SLC35F2: variants seen among roughly 807,000 people sequenced by gnomAD.
SLC35F2 encodes queuine/queuosine transporter SLC35F2.
A neutral mutation model predicts 38.1 loss-of-function variants in SLC35F2; 25 were observed. The ratio of observed to expected loss-of-function variants is 0.66; its 90% CI spans 0.48 to 0.92. SLC35F2 has a LOEUF of 0.92. SLC35F2 is among the 40% of genes least tolerant of loss of function. The pLI, the probability that SLC35F2 is intolerant of heterozygous loss-of-function variation, is 0.00. For missense variants in SLC35F2, 409 were observed against 452.9 expected, an observed-to-expected ratio of 0.90 and a Z score of 0.88; for synonymous variants, 173 against 181.7, an observed-to-expected ratio of 0.95 and a Z score of 0.38.
At chr11:107,847,820 A>C (rs1016958386) in intron 1 of SLC35F2, among the ~76,000 whole-genome samples, 1 of 152,152 alleles carries the variant, frequency 6.6e-6, no homozygotes, top group African/African-American at 2.4e-5. Context: ...TGCACAAGGG[A>C]ATCACCAGCA....
rs536554137 is a variant in SLC35F2, at chr11:107,791,105, T to G, written c.*1510A>C. 6.5e-6 allele frequency: 1 copy of G among 152,752 alleles called. No homozygotes were observed. Among genetic ancestry groups the G allele is most frequent in the Admixed American group, 6.5e-5 (1 of 15,296 alleles). 9.5% of individuals were successfully genotyped at this position (152,752 alleles called of 1,614,324 possible). A position where few individuals can be genotyped will look rare whatever the true frequency, so the allele number is the denominator to read the frequency against. On this transcript the variant is annotated 3_prime_UTR_variant, in exon 8 of 8. Coordinates refer to ENST00000525815, the MANE Select transcript of SLC35F2 (RefSeq NM_017515.5). ...TTTCTGAAAGTGGCATTTTGTTGGT[T>G]GTTATTATACTGATGACACATATTA...
At chr11:107,792,889 T>G in intron 7 of SLC35F2, 89 bp from the exon 8 acceptor site, 2 of 1,392,772 alleles carry the variant, frequency 1.4e-6, no homozygotes, top group Non-Finnish European at 1.9e-6. Context: ...AGGATTACCC[T>G]CTCATAATCT....
At position 107,792,526 on chromosome 11, in the gene SLC35F2, T is replaced by G; in HGVS notation, c.*89A>C. 1 of 1,446,366 alleles carries G rather than the reference T, an allele frequency of 6.9e-7. No homozygotes were observed. Among genetic ancestry groups the G allele is most frequent in the Non-Finnish European group, 9.3e-7 (1 of 1,080,474 alleles). The allele number at this position is 1,446,366 out of a possible 1,614,324, so 89.6% of individuals were successfully genotyped here. Reference sequence around the variant, plus strand: ...CAACCCAGGGTTGTAGAGTGTCCATTCTGAGTCTGCTATTTCCCCAAGTGT... The same window carrying G: ...CAACCCAGGGTTGTAGAGTGTCCATGCTGAGTCTGCTATTTCCCCAAGTGT... On this transcript the variant is annotated 3_prime_UTR_variant, in exon 8 of 8. Transcript: ENST00000525815.
chr11:107,854,993 T>C (rs1012663092), intron 1 of SLC35F2, among the ~76,000 whole-genome samples: 2 of 152,210 alleles, frequency 1.3e-5, no homozygotes, highest in Non-Finnish European at 2.9e-5. Flanking sequence ...ACTTGGGACA[T>C]GAGTTTTGAC....
At chr11:107,797,167 T>G (rs1402620051) in intron 7 of SLC35F2, among the ~76,000 whole-genome samples, 1 of 151,816 alleles carries the variant, frequency 6.6e-6, no homozygotes, top group Non-Finnish European at 1.5e-5. Context: ...TGTATAAATA[T>G]TTGTATCAAT....
chr11:107,812,973 TTA>T (rs1365860846), intron 2 of SLC35F2, among the ~76,000 whole-genome samples: 5 of 152,198 alleles, frequency 3.3e-5, no homozygotes, highest in African/African-American at 1.2e-4. Context: ...TTCCTCCAAA[TTA>T]TATGTATTCA....
intron 1 of SLC35F2, among the ~76,000 whole-genome samples, chr11:107,817,538 C>T (rs1859594659): frequency 6.6e-6 from 1 of 152,052 alleles, no homozygotes; most frequent in South Asian, 2.1e-4. Context: ...ATGATGAGAT[C>T]ATTTCTCATG....
At chr11:107,795,311 A>G (rs896671144) in intron 7 of SLC35F2, among the ~76,000 whole-genome samples, 1 of 152,354 alleles carries the variant, frequency 6.6e-6, no homozygotes, top group African/African-American at 2.4e-5. Context: ...ATATAAAAAA[A>G]TCAACTCAAG....
intron 1 of SLC35F2, among the ~76,000 whole-genome samples, chr11:107,848,952 CT>C (rs1182278706): frequency 1.3e-5 from 2 of 151,972 alleles, no homozygotes; most frequent in African/African-American, 4.8e-5. Context: ...TTCTTTTTTT[CT>C]TTTAATTTTT....
At chr11:107,823,985 A>C in intron 1 of SLC35F2, 1 of 984,302 alleles carries the variant, frequency 1.0e-6, no homozygotes, top group Non-Finnish European at 1.2e-6. Context: ...TTTTCTTTAC[A>C]TAGTGAGTAG....
At chr11:107,800,957 T>G (rs889370588) in intron 7 of SLC35F2, among the ~76,000 whole-genome samples, 4 of 142,744 alleles carry the variant, frequency 2.8e-5, no homozygotes, top group African/African-American at 8.1e-5. Flanking sequence ...CAGGCTAAAA[T>G]GCAATGGCAC....
At chr11:107,834,725 G>A (rs1157094379) in intron 1 of SLC35F2, among the ~76,000 whole-genome samples, 1 of 152,002 alleles carries the variant, frequency 6.6e-6, no homozygotes, top group African/African-American at 2.4e-5. Flanking sequence ...AGGCTAATGC[G>A]ATTTCTCTCT....
intron 1 of SLC35F2, among the ~76,000 whole-genome samples, chr11:107,832,441 G>T (rs1859859400): frequency 6.6e-6 from 1 of 152,142 alleles, no homozygotes; most frequent in South Asian, 2.1e-4. Flanking sequence ...CAGATAATTT[G>T]GGTGGGATTG....
rs549701533 is a variant in SLC35F2 at position 107,797,360 on chromosome 11, G to C, written c.940-4560C>G. Among the ~76,000 whole-genome samples, 7 of 151,302 alleles carry C rather than the reference G, an allele frequency of 4.6e-5. No individual in the cohort carries two copies. The South Asian group carries it at 1.0e-3, about 23-fold the overall frequency. On this transcript the variant is annotated intron_variant, in intron 7 of 7. Transcript: ENST00000525815. The stretch of plus-strand genomic sequence containing the variant: ...GAGAAAGAAGATGAGAAGGAAGGAG[G>C]GGGTGGAAGGAGTGAGACAGAGAGA...
At chr11:107,793,082 A>G (rs1247267549) in intron 7 of SLC35F2, among the ~76,000 whole-genome samples, 1 of 145,982 alleles carries the variant, frequency 6.9e-6, no homozygotes, top group African/African-American at 2.5e-5. Flanking sequence ...ACACCCGGCC[A>G]ATTTTTGTGT....
At chr11:107,825,351 G>A (rs994409519) in intron 1 of SLC35F2, among the ~76,000 whole-genome samples, 4 of 149,336 alleles carry the variant, frequency 2.7e-5, no homozygotes, top group African/African-American at 5.0e-5. Flanking sequence ...CTGAGATTCC[G>A]CATTTCTTTC....
At position 107,791,262 on chromosome 11, in the gene SLC35F2, A is replaced by G. The variant is rs1315325724; in HGVS notation, c.*1353T>C. 1 of 152,416 alleles carries G rather than the reference A, an allele frequency of 6.6e-6. No individual in the cohort carries two copies. Among genetic ancestry groups the G allele is most frequent in the African/African-American group, 2.4e-5 (1 of 41,460 alleles). The allele number at this position is 152,416 out of a possible 1,614,324, so 9.4% of individuals were successfully genotyped here. ...TCTTTGGTGAGAAATGATTAATTTT[A>G]TATTTTCATTTTGATGAGAATCTTT... is the stretch of plus-strand genomic sequence containing the variant. On this transcript the variant is annotated 3_prime_UTR_variant, in exon 8 of 8. Coordinates refer to ENST00000525815, the MANE Select transcript of SLC35F2 (RefSeq NM_017515.5).
intron 7 of SLC35F2, among the ~76,000 whole-genome samples, chr11:107,796,334 T>C (rs991197656): frequency 2.0e-5 from 3 of 152,214 alleles, no homozygotes; most frequent in African/African-American, 7.2e-5. Context: ...CTCATCTGTT[T>C]ATTGCAGCAC....
chr11:107,825,361 CTTTTTTT>C (rs112751391), intron 1 of SLC35F2, among the ~76,000 whole-genome samples: 1 of 123,648 alleles, frequency 8.1e-6, no homozygotes, highest in Non-Finnish European at 1.7e-5. Context: ...GCATTTCTTT[CTTTTTTT>C]TTTTTTTTTT....
Sources: gnomAD v4.1 joint callset for allele counts (sites outside exome capture counted in the v4.1 genomes callset) on GRCh38, gnomAD v4.1.1 for gene constraint, MANE v1.5 for transcripts, NCBI Gene and HGNC (gene_info 2026-07-23, HGNC 2026-07-21) for gene names.